ARHGAP15: variants seen among roughly 807,000 people sequenced by gnomAD.
ARHGAP15 encodes the protein rho GTPase-activating protein 15.
ARHGAP15 carries 51 observed loss-of-function variants against 63.7 expected under a neutral mutation model. The ratio of observed to expected loss-of-function variants is 0.80; its 90% CI spans 0.64 to 1.01. ARHGAP15 has a LOEUF of 1.01. Ranked by LOEUF, ARHGAP15 falls within the 50% of genes least tolerant of loss-of-function variation. The pLI, the probability that ARHGAP15 is intolerant of heterozygous loss-of-function variation, is 0.00. For synonymous variants in ARHGAP15, 191 were observed against 193.8 expected (o/e 0.99, Z 0.12); for missense variants, 560 against 564.6 (o/e 0.99, Z 0.08).
chr2:143,340,888 C>T (rs749119742), intron 6 of ARHGAP15, among the ~76,000 whole-genome samples: 55 of 152,204 alleles, frequency 3.6e-4, no homozygotes, highest in African/African-American at 6.7e-4. Flanking sequence ...AAATTAAAAA[C>T]GGCTAAGTGG....
chr2:143,726,983 A>T (rs1396656851), intron 13 of ARHGAP15, among the ~76,000 whole-genome samples: 2 of 152,204 alleles, frequency 1.3e-5, no homozygotes, highest in Non-Finnish European at 2.9e-5. Context: ...GGATCCACAG[A>T]CACAGAGCAG....
At chr2:143,299,729 A>C (rs1181732443) in intron 6 of ARHGAP15, among the ~76,000 whole-genome samples, 1 of 152,030 alleles carries the variant, frequency 6.6e-6, no homozygotes, top group African/African-American at 2.4e-5. Flanking sequence ...GGATCTAAAG[A>C]GTTCTTCTGT....
intron 8 of ARHGAP15, among the ~76,000 whole-genome samples, chr2:143,460,271 T>A (rs188543936): frequency 6.6e-6 from 1 of 152,308 alleles, no homozygotes; most frequent in Non-Finnish European, 1.5e-5. Flanking sequence ...CCATGAATAT[T>A]TGGCTCTTCT....
At chr2:143,499,012 A>G (rs1216775818) in intron 9 of ARHGAP15, among the ~76,000 whole-genome samples, 2 of 152,158 alleles carry the variant, frequency 1.3e-5, no homozygotes, top group African/African-American at 4.8e-5. Flanking sequence ...ATTCTCATTA[A>G]AAAATATTAC....
At chr2:143,664,787 A>C (rs1233580019) in intron 12 of ARHGAP15, among the ~76,000 whole-genome samples, 1 of 152,198 alleles carries the variant, frequency 6.6e-6, no homozygotes, top group Non-Finnish European at 1.5e-5. Flanking sequence ...TACTACAAAC[A>C]CCTCTACTCA....
At chr2:143,718,515 A>T (rs1213508055) in intron 13 of ARHGAP15, among the ~76,000 whole-genome samples, 1 of 152,340 alleles carries the variant, frequency 6.6e-6, no homozygotes, top group African/African-American at 2.4e-5. Context: ...AAGAAAGTTT[A>T]AAAATACATG....
intron 12 of ARHGAP15, among the ~76,000 whole-genome samples, chr2:143,680,196 C>T (rs1683038589): frequency 6.6e-6 from 1 of 152,078 alleles, no homozygotes; most frequent in South Asian, 2.1e-4. Flanking sequence ...TGGAAAAAAT[C>T]CACACAATAT....
chr2:143,754,190 G>C (rs986987946), intron 13 of ARHGAP15, among the ~76,000 whole-genome samples: 2 of 152,166 alleles, frequency 1.3e-5, no homozygotes, highest in African/African-American at 4.8e-5. Context: ...GGGGCAGAAA[G>C]GATATCCATT....
intron 4 of ARHGAP15, among the ~76,000 whole-genome samples, chr2:143,225,642 A>C (rs1219322585): frequency 6.6e-6 from 1 of 151,582 alleles, no homozygotes; most frequent in African/African-American, 2.4e-5. Flanking sequence ...CAAAACAAAA[A>C]CCAGACAGCA....
rs529102305 is a variant in ARHGAP15, at chr2:143,153,374, T to A, written c.-14-2103T>A. Among the ~76,000 whole-genome samples, 153 of 152,112 alleles carry A rather than the reference T, an allele frequency of 1.0e-3. 7 individuals are homozygous for A. The South Asian group carries it at 0.029, about 29-fold the overall frequency. On this transcript the variant is annotated intron_variant, in intron 1 of 13. Coordinates refer to ENST00000295095, the MANE Select transcript of ARHGAP15 (RefSeq NM_018460.4). ...TTTTCTTCTTAATACATACTTCAAA[T>A]TTTTATTTCATACTTATTGAAAAAA...
At chr2:143,288,981 A>G (rs576856283) in intron 6 of ARHGAP15, among the ~76,000 whole-genome samples, 1 of 152,234 alleles carries the variant, frequency 6.6e-6, no homozygotes, top group South Asian at 2.1e-4. Flanking sequence ...CACCTTGCAC[A>G]AAACAGCATC....
chr2:143,290,549 A>T (rs76260727), intron 6 of ARHGAP15, among the ~76,000 whole-genome samples: 9,514 of 152,206 alleles, frequency 0.063, 432 homozygotes, highest in East Asian at 0.21. Flanking sequence ...TTTTCATATA[A>T]CATATATTTA....
intron 9 of ARHGAP15, among the ~76,000 whole-genome samples, chr2:143,505,373 A>G (rs574495441): frequency 2.5e-4 from 38 of 152,186 alleles, no homozygotes; most frequent in Admixed American, 2.2e-3. Flanking sequence ...CATGATACCT[A>G]TTCATTCAGT....
chr2:143,162,203 T>C lies in ARHGAP15; in HGVS notation c.165+6548T>C, dbSNP rs939061038. 3.3e-5 allele frequency: 5 copies of C among 151,986 alleles called. No homozygotes were observed. The South Asian group carries it at 1.0e-3, about 31-fold the overall frequency. The allele number at this position is 151,986 out of a possible 1,614,324, so 9.4% of individuals were successfully genotyped here. On this transcript the variant is annotated intron_variant, in intron 2 of 13. Transcript: ENST00000295095. The stretch of plus-strand genomic sequence containing the variant: ...TGATTATCCCGAAGTCACTGTCAGC[T>C]AGGATTGATTTTCACTTTCTCCGTT...
At chr2:143,437,799 G>A (rs1689680101) in intron 8 of ARHGAP15, among the ~76,000 whole-genome samples, 1 of 152,152 alleles carries the variant, frequency 6.6e-6, no homozygotes, top group Non-Finnish European at 1.5e-5. Flanking sequence ...GCTGAGGTGG[G>A]TGGATCACGA....
At chr2:143,540,909 T>C (rs192677673) in intron 10 of ARHGAP15, among the ~76,000 whole-genome samples, 130 of 152,362 alleles carry the variant, frequency 8.5e-4, no homozygotes, top group African/African-American at 2.9e-3. Flanking sequence ...ATTTCTTGAA[T>C]TTGAATGTTG....
At chr2:143,204,408 G>A (rs984885812) in intron 3 of ARHGAP15, among the ~76,000 whole-genome samples, 3 of 152,046 alleles carry the variant, frequency 2.0e-5, no homozygotes, top group Non-Finnish European at 4.4e-5. Flanking sequence ...AGGATCTGGT[G>A]AGGGCCCTCT....
chr2:143,470,824 A>C (rs1262942277), intron 8 of ARHGAP15, among the ~76,000 whole-genome samples: 2 of 149,836 alleles, frequency 1.3e-5, no homozygotes, highest in African/African-American at 2.4e-5. Flanking sequence ...TGCTCCAAAC[A>C]GTTTCGCATA....
chr2:143,695,395 T>A (rs1433659128), intron 12 of ARHGAP15, among the ~76,000 whole-genome samples: 1 of 152,156 alleles, frequency 6.6e-6, no homozygotes, highest in Non-Finnish European at 1.5e-5. Context: ...ATCATGCTTT[T>A]CCTGTGAAGA....
Sources: allele counts gnomAD v4.1 joint callset (sites outside exome capture counted in the v4.1 genomes callset), GRCh38; gene constraint gnomAD v4.1.1; transcripts MANE v1.5; gene names NCBI Gene and HGNC (gene_info 2026-07-23, HGNC 2026-07-21).